Variants in PDE3B observed in about 807,000 individuals in gnomAD.
PDE3B encodes the protein cGMP-inhibited 3',5'-cyclic phosphodiesterase 3B.
In PDE3B, 66 loss-of-function variants were observed where a neutral mutation model predicts 116.8. The ratio of observed to expected loss-of-function variants is 0.56; its 90% confidence interval spans 0.46 to 0.69. PDE3B has a LOEUF of 0.69. PDE3B is among the 30% of genes least tolerant of loss of function. The pLI is 0.00. For missense variants in PDE3B, 1,384 were observed against 1,368.1 expected, an observed-to-expected ratio of 1.01 and a Z score of -0.18; for synonymous variants, 595 against 533.6, an observed-to-expected ratio of 1.12 and a Z score of -1.59.
rs367961289 is a variant in PDE3B, at chr11:14,843,834, T to C, written c.2328T>C (p.Asp776=). The C allele has an allele frequency of 2.5e-6, 4 of 1,612,930 alleles. No individual in the cohort carries two copies. Among genetic ancestry groups the C allele is most frequent in the East Asian group, 2.2e-5 (1 of 44,886 alleles). The part of the protein sequence containing the change: ...GCGTGNETDS[D]GRINHGRIAY... ...CTATTTATTGTTTCTCAGATTCTGA[T>C]GGTAGAATTAACCATGGGCGAATTG... The change falls in exon 12 of 16, where the codon GAT becomes GAC. Residue 776 remains aspartate, a synonymous_variant. Transcript: ENST00000282096.
chr11:14,649,971 A>C (rs922980595), intron 1 of PDE3B, among the ~76,000 whole-genome samples: 6 of 152,078 alleles, frequency 3.9e-5, no homozygotes, highest in Non-Finnish European at 8.8e-5. Flanking sequence ...TCATCTTGTT[A>C]TTTACAAGCT....
chr11:14,836,791 C>T (rs1286062368), intron 11 of PDE3B, among the ~76,000 whole-genome samples: 3 of 152,178 alleles, frequency 2.0e-5, no homozygotes, highest in African/African-American at 4.8e-5. Context: ...CTCCTTGGCT[C>T]ATGGCCCTTT....
Position 14,786,612 on chromosome 11 carries a change from C to T in PDE3B, c.1205C>T (p.Thr402Ile). The T allele has an allele frequency of 6.2e-7, 1 of 1,612,380 alleles. No individual in the cohort carries two copies. The highest frequency in any genetic ancestry group is 8.5e-7 in the Non-Finnish European group (1 of 1,178,626). ...TGTAGGCCAAAGATTAATCCTCTCA[C>T]ACCATTTCCTGGATTTTACCCCTGT... is the stretch of plus-strand genomic sequence containing the variant. Reference protein sequence around the residue: ...GSCRPKINPLTPFPGFYPCSE... With the variant: ...GSCRPKINPLIPFPGFYPCSE... The change falls in exon 3 of 16, where the codon ACA becomes ATA. Residue 402 changes from threonine (T) to isoleucine (I), a missense_variant. By Grantham distance (89) the Thr-to-Ile change is moderately conservative (BLOSUM62 -1). Transcript: ENST00000282096.
intron 1 of PDE3B, among the ~76,000 whole-genome samples, chr11:14,701,198 A>G (rs1254959168): frequency 6.6e-6 from 1 of 151,782 alleles, no homozygotes; most frequent in Non-Finnish European, 1.5e-5. Context: ...TATTGTAGCT[A>G]GTTTGCATCA....
chr11:14,645,182 G>A lies in PDE3B; in HGVS notation c.978+129G>A, dbSNP rs1049242150. 4.5e-5 allele frequency: 21 copies of A among 471,626 alleles called. 4 individuals carry two copies. Among genetic ancestry groups the A allele is most frequent in the East Asian group, 1.2e-4 (3 of 24,126 alleles). The allele number at this position is 471,626 out of a possible 1,614,324, so 29.2% of individuals were successfully genotyped here. A position where few individuals can be genotyped will look rare whatever the true frequency, so the allele number is the denominator to read the frequency against. The stretch of plus-strand genomic sequence containing the variant: ...ATGGAAAAAGGGTGTGTTGCGGGGG[G>A]GGGGGGGGAGGAAATAATGTTTTAT... On this transcript the variant is annotated intron_variant, in intron 1 of 15. Coordinates refer to ENST00000282096, the MANE Select transcript of PDE3B (RefSeq NM_000922.4).
intron 1 of PDE3B, among the ~76,000 whole-genome samples, chr11:14,721,005 A>G (rs2133840782): frequency 7.6e-6 from 1 of 131,900 alleles, no homozygotes; most frequent in East Asian, 2.3e-4. Flanking sequence ...ACCTGGGAGA[A>G]AATTTTCGCA....
intron 1 of PDE3B, among the ~76,000 whole-genome samples, chr11:14,663,401 T>C (rs1007051716): frequency 5.3e-5 from 8 of 152,078 alleles, no homozygotes; most frequent in Admixed American, 4.6e-4. Flanking sequence ...CTGCATCAAC[T>C]AACGAGCAAA....
At chr11:14,879,026 T>C in the PDE3B span, 4 of 1,069,570 alleles carry the variant, frequency 3.7e-6, no homozygotes, top group African/African-American at 1.6e-5. Context: ...TTTAATTCTA[T>C]AGAAGGATGC....
intron 1 of PDE3B, among the ~76,000 whole-genome samples, chr11:14,756,813 T>TA: frequency 6.6e-6 from 1 of 151,958 alleles, no homozygotes; most frequent in Non-Finnish European, 1.5e-5. Context: ...TTTTTTTTTT[T>TA]TATTATACTT....
chr11:14,792,911 T>A (rs1235109245), intron 4 of PDE3B, among the ~76,000 whole-genome samples: 1 of 152,210 alleles, frequency 6.6e-6, no homozygotes, highest in Admixed American at 6.6e-5. Context: ...CCTCTGAATT[T>A]CCATAACACA....
intron 2 of PDE3B, chr11:14,772,792 G>A (rs763151492): frequency 2.0e-5 from 3 of 151,868 alleles, no homozygotes; most frequent in Non-Finnish European, 2.9e-5. Context: ...AGCAATAACT[G>A]TGTTAACTTT....
chr11:14,825,293 C>A (rs1859652860), intron 7 of PDE3B, among the ~76,000 whole-genome samples: 1 of 152,116 alleles, frequency 6.6e-6, no homozygotes, highest in Non-Finnish European at 1.5e-5. Flanking sequence ...TCTATACTAA[C>A]CTTGAGTGTA....
chr11:14,694,251 C>T (rs1193438366), intron 1 of PDE3B, among the ~76,000 whole-genome samples: 1 of 152,132 alleles, frequency 6.6e-6, no homozygotes, highest in Non-Finnish European at 1.5e-5. Flanking sequence ...TTTACATAAA[C>T]TTAGTGGATA....
At chr11:14,891,418 T>A in the PDE3B span, 5 of 985,816 alleles carry the variant, frequency 5.1e-6, no homozygotes, top group Non-Finnish European at 6.0e-6. Context: ...CATTCACGCG[T>A]TCACAATCGT....
rs1853298866 is a variant in PDE3B, at chr11:14,644,292, T to TC, written c.222dup (p.Phe75LeufsTer265). The TC allele has an allele frequency of 1.3e-6, 2 of 1,565,452 alleles. No homozygotes were observed. The highest frequency in any genetic ancestry group is 4.8e-5 in the East Asian group (2 of 41,540). The stretch of plus-strand genomic sequence containing the variant: ...CTCTCCCCAGCAGCCGCGGCGCTGC[T>TC]CCCCCTTCTGCCGGGCGCGCCTCTC... On this transcript the variant is annotated frameshift_variant, in exon 1 of 16. Transcript: ENST00000282096. LOFTEE classifies it high-confidence loss of function.
Position 14,819,226 on chromosome 11 carries a change from CAT to C in PDE3B, c.1807+20_1807+21del. On this transcript the variant is annotated intron_variant, in intron 7 of 15. Transcript: ENST00000282096. ...GAAAATCAGGTGAGATTACAAAAGTCATATGTATTTGAGTTTAAGAGAAATTT... is the reference window on the plus strand; with the variant it reads ...GAAAATCAGGTGAGATTACAAAAGTCATGTATTTGAGTTTAAGAGAAATTT... The C allele has an allele frequency of 6.7e-7, 1 of 1,498,482 alleles. No homozygotes were observed. Among genetic ancestry groups the C allele is most frequent in the Non-Finnish European group, 9.2e-7 (1 of 1,083,102 alleles). 92.8% of individuals were successfully genotyped at this position (1,498,482 alleles called of 1,614,324 possible). A position where few individuals can be genotyped will look rare whatever the true frequency, so the allele number is the denominator to read the frequency against.
chr11:14,858,940 T>C (rs564396155), intron 12 of PDE3B, 103 bp from the exon 13 acceptor site: 5 of 735,248 alleles, frequency 6.8e-6, no homozygotes, highest in African/African-American at 5.3e-5. Context: ...ATGCCTAGTA[T>C]ATAGTAGGTA....
chr11:14,674,087 T>C, intron 1 of PDE3B: 1 of 1,534,840 alleles, frequency 6.5e-7, no homozygotes, highest in Non-Finnish European at 9.0e-7. Flanking sequence ...AGCTTTACTT[T>C]AACTTCAACT....
intron 4 of PDE3B, 86 bp from the exon 5 acceptor site, chr11:14,803,858 T>A: frequency 1.3e-6 from 1 of 774,670 alleles, no homozygotes; most frequent in South Asian, 1.5e-5. Context: ...GAGGATATAT[T>A]TGCTAATTAA....
Sources: gnomAD v4.1 joint callset for allele counts (sites outside exome capture counted in the v4.1 genomes callset) on GRCh38, gnomAD v4.1.1 for gene constraint, MANE v1.5 for transcripts, NCBI Gene and HGNC (gene_info 2026-07-23, HGNC 2026-07-21) for gene names.